The following PUM1 variants were observed in gnomAD, a reference collection of about 807,000 sequenced individuals.
The protein encoded by PUM1 is pumilio RNA binding family member 1, also known as pumilio homolog 1.
PUM1 carries 13 observed loss-of-function variants against 131.8 expected under a neutral mutation model. The ratio of observed to expected loss-of-function variants is 0.10; its 90% CI spans 0.06 to 0.16. PUM1 has a LOEUF of 0.16. Ranked by LOEUF, PUM1 falls within the 10% of genes least tolerant of loss-of-function variation. The probability of loss-of-function intolerance (pLI) is 1.00; values close to 1 mark genes in which losing one functional copy is unlikely to be tolerated. For synonymous variants in PUM1, 509 were observed against 556.5 expected (o/e 0.91, Z 1.20); for missense variants, 961 against 1,512.4 (o/e 0.64, Z 6.05).
At chr1:31,039,348 G>A (rs1257331749) in intron 2 of PUM1, among the ~76,000 whole-genome samples, 1 of 151,176 alleles carries the variant, frequency 6.6e-6, no homozygotes, top group African/African-American at 2.4e-5. Context: ...TCAGCCTCCC[G>A]AGTAGCTGGG....
chr1:30,940,914 C>A (rs79394758), intron 20 of PUM1, among the ~76,000 whole-genome samples: 2,192 of 152,274 alleles, frequency 0.014, 44 homozygotes, highest in African/African-American at 0.05. Context: ...AAGTGTAACA[C>A]TCACATTCTT....
At chr1:30,997,073 T>C (rs1642005793) in intron 5 of PUM1, among the ~76,000 whole-genome samples, 2 of 152,198 alleles carry the variant, frequency 1.3e-5, no homozygotes, top group African/African-American at 2.4e-5. Context: ...AAACCATTAA[T>C]GTCAACAGCA....
At chr1:31,020,128 A>G (rs150928599) in intron 3 of PUM1, among the ~76,000 whole-genome samples, 32 of 152,086 alleles carry the variant, frequency 2.1e-4, no homozygotes, top group East Asian at 5.8e-4. Context: ...TGTGTACCCA[A>G]TGTTTAGTTC....
At chr1:30,998,236 T>G (rs577977070) in intron 5 of PUM1, among the ~76,000 whole-genome samples, 53 of 152,162 alleles carry the variant, frequency 3.5e-4, no homozygotes, top group East Asian at 1.3e-3. Context: ...AAAAAGAAAC[T>G]CAAGAAATCA....
chr1:31,053,225 C>T (rs1644154636), intron 2 of PUM1, among the ~76,000 whole-genome samples: 2 of 151,214 alleles, frequency 1.3e-5, no homozygotes, highest in South Asian at 4.2e-4. Context: ...TGGTCTCAAA[C>T]GCCTGACCTC....
At chr1:31,004,825 T>G (rs112005196) in intron 5 of PUM1, among the ~76,000 whole-genome samples, 56 of 152,302 alleles carry the variant, frequency 3.7e-4, no homozygotes, top group African/African-American at 1.3e-3. Flanking sequence ...ACAAATGCTA[T>G]TAAAGAAAGA....
chr1:30,949,725 T>G (rs1359579198), intron 17 of PUM1, among the ~76,000 whole-genome samples: 3 of 152,272 alleles, frequency 2.0e-5, no homozygotes, highest in Admixed American at 2.0e-4. Context: ...CAGGCCTTTG[T>G]TCAATAGATG....
At chr1:31,007,501 G>T (rs1225758678) in intron 3 of PUM1, among the ~76,000 whole-genome samples, 1 of 152,174 alleles carries the variant, frequency 6.6e-6, no homozygotes, top group Non-Finnish European at 1.5e-5. Flanking sequence ...CTCTATACGT[G>T]TACTAACTAC....
chr1:31,026,140 A>C (rs1198780579), intron 3 of PUM1, among the ~76,000 whole-genome samples: 6 of 151,856 alleles, frequency 4.0e-5, no homozygotes, highest in Non-Finnish European at 5.9e-5. Flanking sequence ...CCTGTAGTCC[A>C]AGCTACTCAG....
intron 3 of PUM1, among the ~76,000 whole-genome samples, chr1:31,014,745 C>T (rs1642750344): frequency 1.3e-5 from 2 of 150,678 alleles, no homozygotes; most frequent in Non-Finnish European, 1.5e-5. Context: ...GCCAAGATCG[C>T]ACCACTGCAC....
chr1:31,043,423 T>C (rs921958374), intron 2 of PUM1, among the ~76,000 whole-genome samples: 2 of 151,886 alleles, frequency 1.3e-5, no homozygotes, highest in Non-Finnish European at 2.9e-5. Flanking sequence ...TTTCACCATG[T>C]TGGTCAGGCT....
At chr1:31,039,579 A>G (rs902546993) in intron 2 of PUM1, among the ~76,000 whole-genome samples, 3 of 152,300 alleles carry the variant, frequency 2.0e-5, no homozygotes, top group South Asian at 4.1e-4. Context: ...TAAGGATTCT[A>G]TAACGTAGGC....
Position 31,014,284 on chromosome 1 carries a change from G to A in PUM1, c.433-7182C>T, listed in dbSNP as rs1173682620. 5.0e-5 allele frequency among the ~76,000 whole-genome samples: 6 copies of A among 121,182 alleles called. No individual in the cohort carries two copies. In the South Asian group the frequency reaches 1.7e-3, roughly 34 times the overall value. The allele number at this position is 121,182 out of a possible 152,430, so 79.5% of individuals were successfully genotyped here. ...CCACTGCACTCTAGCCTGGGCAACA[G>A]AGCAAGATCCAGTCTCCAAAAAAAA... On this transcript the variant is annotated intron_variant, in intron 3 of 21. Transcript: ENST00000426105.
Position 30,995,252 on chromosome 1 carries a change from C to T in PUM1, c.721-32G>A, listed in dbSNP as rs750853337. On this transcript the variant is annotated intron_variant, in intron 5 of 21. Coordinates refer to ENST00000426105, the MANE Select transcript of PUM1 (RefSeq NM_001020658.2). ...AAAAAATAGCTTCAGCTTCACTAAT[C>T]GTCATCAACTAATAATAACGGGCAA... 19 of 1,611,676 alleles carry T rather than the reference C, an allele frequency of 1.2e-5. No homozygotes were observed. In the Admixed American group the frequency reaches 1.3e-4, roughly 11 times the overall value.
chr1:30,979,924 C>G, intron 9 of PUM1, 138 bp downstream of exon 9: 1 of 617,310 alleles, frequency 1.6e-6, no homozygotes, highest in South Asian at 2.1e-5. Context: ...AGATATTAAG[C>G]TGGCAGGTAG....
intron 2 of PUM1, among the ~76,000 whole-genome samples, chr1:31,032,695 T>C (rs568304848): frequency 6.6e-6 from 1 of 152,304 alleles, no homozygotes; most frequent in African/African-American, 2.4e-5. Flanking sequence ...TAGTCCCAGC[T>C]ACTCATGAGG....
intron 20 of PUM1, 116 bp from the exon 21 acceptor site, chr1:30,936,951 C>A: frequency 1.1e-6 from 1 of 889,040 alleles, no homozygotes. Flanking sequence ...AGCTATTTAA[C>A]ATTTGAGGAA....
intron 14 of PUM1, among the ~76,000 whole-genome samples, chr1:30,959,578 G>A (rs1304897143): frequency 2.6e-5 from 4 of 151,952 alleles, no homozygotes; most frequent in Non-Finnish European, 5.9e-5. Flanking sequence ...CCACATTCAC[G>A]GAATACAGGA....
chr1:31,052,287 C>G (rs1009247355), intron 2 of PUM1, among the ~76,000 whole-genome samples: 2 of 152,178 alleles, frequency 1.3e-5, no homozygotes. Context: ...GCTGGGATTA[C>G]AGACATGAGC....
Sources: allele counts gnomAD v4.1 joint callset (sites outside exome capture counted in the v4.1 genomes callset), GRCh38; gene constraint gnomAD v4.1.1; transcripts MANE v1.5; gene names NCBI Gene and HGNC (gene_info 2026-07-23, HGNC 2026-07-21).